Variants in GSE1 observed in about 807,000 individuals in gnomAD.
GSE1 encodes Gse1 coiled-coil protein.
Under a neutral mutation model 112.6 loss-of-function variants are expected in GSE1, and 32 were observed. The observed-to-expected ratio is 0.28, with a 90% CI of 0.21 to 0.38. The LOEUF (loss-of-function observed/expected upper bound fraction) is 0.38, where lower values mean the gene tolerates loss of function less well. Ranked by LOEUF, GSE1 falls within the 10% of genes least tolerant of loss-of-function variation. The pLI is 1.00. For missense variants in GSE1, 2,348 were observed against 1,699.2 expected (o/e 1.38, Z -6.71); for synonymous variants, 1,115 against 735.6 (o/e 1.52, Z -8.35).
chr16:85,297,216 G>A (rs1009293680), intron 1 of GSE1, among the ~76,000 whole-genome samples: 3 of 152,214 alleles, frequency 2.0e-5, no homozygotes, highest in South Asian at 2.1e-4. Flanking sequence ...GGAGTTGCTC[G>A]GAGCATCTGT....
At chr16:85,654,519 C>T in intron 4 of GSE1, 69 bp downstream of exon 4, 3 of 1,371,894 alleles carry the variant, frequency 2.2e-6, no homozygotes, top group African/African-American at 1.4e-5. Context: ...TCTGGGTCCC[C>T]AGGCAGCCTG....
chr16:85,468,881 C>G (rs779983616), intron 2 of GSE1, among the ~76,000 whole-genome samples: 1 of 152,230 alleles, frequency 6.6e-6, no homozygotes, highest in East Asian at 1.9e-4. Context: ...CCAGGAACCT[C>G]AGAATGTGAA....
At chr16:85,181,227 A>G (rs1477790808) in intron 1 of GSE1, among the ~76,000 whole-genome samples, 1 of 152,204 alleles carries the variant, frequency 6.6e-6, no homozygotes, top group African/African-American at 2.4e-5. Context: ...TCCCCTCCCT[A>G]AAGCCTTCCC....
chr16:85,642,834 G>C (rs915225197), intron 2 of GSE1, among the ~76,000 whole-genome samples: 1 of 152,214 alleles, frequency 6.6e-6, no homozygotes, highest in African/African-American at 2.4e-5. Context: ...CTCTCCGGGT[G>C]CCCTGCCCTC....
chr16:85,175,204 C>T (rs889040053), intron 1 of GSE1, among the ~76,000 whole-genome samples: 1 of 152,218 alleles, frequency 6.6e-6, no homozygotes, highest in African/African-American at 2.4e-5. Flanking sequence ...GCACTTTTCC[C>T]TCCAGCTGGG....
rs576971531 is a variant in GSE1, at chr16:85,572,360, A to G, written c.37+15997A>G. Among the ~76,000 whole-genome samples, 5 of 132,460 alleles carry G rather than the reference A, an allele frequency of 3.8e-5. No homozygotes were observed. The South Asian group carries it at 9.9e-4, about 26-fold the overall frequency. The allele number at this position is 132,460 out of a possible 152,430, so 86.9% of individuals were successfully genotyped here. A position where few individuals can be genotyped will look rare whatever the true frequency, so the allele number is the denominator to read the frequency against. ...CATACCCCTCCACACACAACACACAATCACACACCACACACACCACATACC... is the reference window on the plus strand; with the variant it reads ...CATACCCCTCCACACACAACACACAGTCACACACCACACACACCACATACC... On this transcript the variant is annotated intron_variant, in intron 1 of 2. Coordinates refer to the GSE1 transcript ENST00000635906.
chr16:85,208,897 CG>C (rs533889377), intron 1 of GSE1, among the ~76,000 whole-genome samples: 166 of 100,864 alleles, frequency 1.6e-3, no homozygotes, highest in African/African-American at 5.3e-3. Context: ...TGGGGTTTGC[CG>C]TGTGTTGGGG....
intron 2 of GSE1, among the ~76,000 whole-genome samples, chr16:85,646,386 T>G (rs73253204): frequency 0.15 from 23,055 of 152,274 alleles, 2,158 homozygotes; most frequent in African/African-American, 0.26. Flanking sequence ...AGTGCAAGCT[T>G]GCACAGCTGC....
chr16:85,171,536 G>C (rs1022719486), exon 1 of GSE1: 34 of 985,450 alleles, frequency 3.5e-5, no homozygotes, highest in Non-Finnish European at 3.7e-5. Context: ...CACGCTGTCA[G>C]CGCCTGGTCC....
intron 2 of GSE1, among the ~76,000 whole-genome samples, chr16:85,399,980 C>T (rs978012623): frequency 6.6e-6 from 1 of 152,228 alleles, no homozygotes; most frequent in African/African-American, 2.4e-5. Context: ...GGAGTGTGAC[C>T]TGCCAAGTCA....
intron 2 of GSE1, among the ~76,000 whole-genome samples, chr16:85,478,463 GTTGCAGTGAGCTGAGA>G (rs2050531947): frequency 6.6e-6 from 1 of 150,726 alleles, no homozygotes; most frequent in Admixed American, 6.6e-5. Flanking sequence ...GGAGGCAGAG[GTTGCAGTGAGCTGAGA>G]TCGTGCCATT....
chr16:85,209,466 G>C (rs1318783793), intron 1 of GSE1, among the ~76,000 whole-genome samples: 1 of 152,080 alleles, frequency 6.6e-6, no homozygotes, highest in Non-Finnish European at 1.5e-5. Flanking sequence ...TGCATCTCTT[G>C]TGGCCCCCAG....
chr16:85,591,739 C>T (rs541106590), intron 1 of GSE1, among the ~76,000 whole-genome samples: 3 of 152,350 alleles, frequency 2.0e-5, no homozygotes, highest in East Asian at 1.9e-4. Flanking sequence ...GTAGAAGAGG[C>T]GTTTCATTTC....
intron 1 of GSE1, among the ~76,000 whole-genome samples, chr16:85,572,140 A>G (rs2151334006): frequency 6.7e-6 from 1 of 148,800 alleles, no homozygotes; most frequent in African/African-American, 2.5e-5. Context: ...ACCACATACC[A>G]CACACAACAC....
chr16:85,341,223 G>A (rs7196742), intron 1 of GSE1, among the ~76,000 whole-genome samples: 7,290 of 151,790 alleles, frequency 0.048, 547 homozygotes, highest in African/African-American at 0.16. Context: ...TAAACAGGGT[G>A]TTGTTCTGTC....
intron 1 of GSE1, among the ~76,000 whole-genome samples, chr16:85,297,423 C>T (rs1008712): frequency 0.15 from 22,608 of 152,216 alleles, 2,158 homozygotes; most frequent in African/African-American, 0.26. Flanking sequence ...CAGATGACGT[C>T]TTAGTTTTAG....
At chr16:85,611,145 TC>T (rs2047953044), upstream of GSE1, among the ~76,000 whole-genome samples, 1 of 152,076 alleles carries the variant, frequency 6.6e-6, no homozygotes, top group African/African-American at 2.4e-5. Context: ...TGCATGCTGT[TC>T]CCCTCCCCCC....
At position 85,338,665 on chromosome 16, in the gene GSE1, C is replaced by T. The variant is rs1398349107; in HGVS notation, c.2284-18798C>T. On this transcript the variant is annotated intron_variant, in intron 1 of 2. Coordinates refer to the GSE1 transcript ENST00000637419. ...GTTTTATCCAGCGGCTCCTAAAGGC[C>T]CGGTAGTAGTCTAAATACACCCATC... 2.6e-5 allele frequency among the ~76,000 whole-genome samples: 4 copies of T among 152,116 alleles called. No homozygotes were observed. In the East Asian group the frequency reaches 7.7e-4, roughly 29 times the overall value.
chr16:85,196,556 GGA>G (rs2074931420), intron 1 of GSE1, among the ~76,000 whole-genome samples: 1 of 152,134 alleles, frequency 6.6e-6, no homozygotes, highest in African/African-American at 2.4e-5. Flanking sequence ...GTGCCCAGGG[GGA>G]GTTTGGAGAG....
Sources: gnomAD v4.1 joint callset for allele counts (sites outside exome capture counted in the v4.1 genomes callset) on GRCh38, gnomAD v4.1.1 for gene constraint, MANE v1.5 for transcripts, NCBI Gene and HGNC (gene_info 2026-07-23, HGNC 2026-07-21) for gene names.